Variants in NRG3 observed in about 807,000 individuals in gnomAD.
The protein encoded by NRG3 is pro-neuregulin-3, membrane-bound isoform.
A neutral mutation model predicts 66.9 loss-of-function variants in NRG3; 31 were observed. The ratio of observed to expected loss-of-function variants is 0.46; its 90% CI spans 0.35 to 0.63. The LOEUF (loss-of-function observed/expected upper bound fraction) is 0.63, where lower values mean the gene tolerates loss of function less well. NRG3 is among the 20% of genes least tolerant of loss of function. The pLI, the probability that NRG3 is intolerant of heterozygous loss-of-function variation, is 0.00. For missense variants in NRG3, 910 were observed against 878.9 expected, an observed-to-expected ratio of 1.04 and a Z score of -0.45; for synonymous variants, 393 against 359.4, an observed-to-expected ratio of 1.09 and a Z score of -1.06.
intron 3 of NRG3, among the ~76,000 whole-genome samples, chr10:82,812,465 A>C (rs2061529935): frequency 6.6e-6 from 1 of 152,252 alleles, no homozygotes; most frequent in Non-Finnish European, 1.5e-5. Flanking sequence ...TGTTAAGCCT[A>C]GTTATTTTTC....
At chr10:82,371,960 A>AC (rs913358253) in intron 2 of NRG3, among the ~76,000 whole-genome samples, 5 of 151,934 alleles carry the variant, frequency 3.3e-5, no homozygotes, top group Admixed American at 6.5e-5. Flanking sequence ...TCCTCCCAAC[A>AC]CCCCCACAAT....
At position 82,846,905 on chromosome 10, in the gene NRG3, A is replaced by G. The variant is rs571434420; in HGVS notation, c.1028-18506A>G. ...TGCTTGTGCTTTTATCAATTAAGAT[A>G]ATGTTCAGCTGCAAGAGCCAGAAAA... is the stretch of plus-strand genomic sequence containing the variant. On this transcript the variant is annotated intron_variant, in intron 3 of 8. Coordinates refer to ENST00000372141, the MANE Select transcript of NRG3 (RefSeq NM_001010848.4). 2.0e-5 allele frequency among the ~76,000 whole-genome samples: 3 copies of G among 152,294 alleles called. No individual in the cohort carries two copies. In the East Asian group the frequency reaches 5.8e-4, roughly 29 times the overall value.
chr10:82,837,823 G>A (rs1046020100), intron 3 of NRG3, among the ~76,000 whole-genome samples: 5 of 152,144 alleles, frequency 3.3e-5, no homozygotes, highest in East Asian at 1.9e-4. Context: ...AGGTGCAGGA[G>A]CTTTCAAAGG....
At chr10:82,959,770 C>T (rs1162889593) in intron 6 of NRG3, among the ~76,000 whole-genome samples, 1 of 152,184 alleles carries the variant, frequency 6.6e-6, no homozygotes, top group Non-Finnish European at 1.5e-5. Flanking sequence ...AATTCCAAGC[C>T]TTACAGAGAT....
rs187807090 is a variant in NRG3, at chr10:82,637,457, G to A, written c.954-101120G>A. Among the ~76,000 whole-genome samples, 47 of 152,244 alleles carry A rather than the reference G, an allele frequency of 3.1e-4. No homozygotes were observed. The East Asian group carries it at 8.1e-3, about 26-fold the overall frequency. ...CAACAGGAAACAGTGAATCTACATT[G>A]AAGAGGCCAGTCATACCCCATTTGA... On this transcript the variant is annotated intron_variant, in intron 2 of 8. Coordinates refer to ENST00000372141, the MANE Select transcript of NRG3 (RefSeq NM_001010848.4).
chr10:82,444,183 A>G (rs974554149), intron 2 of NRG3, among the ~76,000 whole-genome samples: 2 of 152,100 alleles, frequency 1.3e-5, no homozygotes, highest in African/African-American at 4.8e-5. Context: ...GCTCACTGTA[A>G]CCTCCGCCTT....
At chr10:82,589,575 G>C (rs2046865369) in intron 2 of NRG3, among the ~76,000 whole-genome samples, 1 of 152,076 alleles carries the variant, frequency 6.6e-6, no homozygotes, top group East Asian at 1.9e-4. Flanking sequence ...TATATAGCTT[G>C]TTAAGGGAAC....
In NRG3 at chr10:82,980,783, A is replaced by G. The variant is rs573245517; in HGVS notation, c.1583+1663A>G. 3.3e-5 allele frequency among the ~76,000 whole-genome samples: 5 copies of G among 152,308 alleles called. No individual in the cohort carries two copies. In the East Asian group the frequency reaches 9.7e-4, roughly 29 times the overall value. On this transcript the variant is annotated intron_variant, in intron 8 of 8. Transcript: ENST00000372141. ...CAGTTGCAAAGTAAACATAACAGCC[A>G]AGGGGTTCAAAATGTATAATGCGAG...
At chr10:82,775,901 T>A (rs1459409906) in intron 3 of NRG3, among the ~76,000 whole-genome samples, 1 of 152,154 alleles carries the variant, frequency 6.6e-6, no homozygotes, top group Non-Finnish European at 1.5e-5. Context: ...TCTTAATAGC[T>A]TATTGTAGCT....
chr10:82,923,921 AC>A (rs1846713861), intron 4 of NRG3, among the ~76,000 whole-genome samples: 1 of 151,384 alleles, frequency 6.6e-6, no homozygotes, highest in Non-Finnish European at 1.5e-5. Flanking sequence ...ACATGGTGAA[AC>A]CCCATCTCTA....
chr10:82,548,367 T>C (rs1007664715), intron 2 of NRG3, among the ~76,000 whole-genome samples: 1 of 152,032 alleles, frequency 6.6e-6, no homozygotes, highest in Non-Finnish European at 1.5e-5. Flanking sequence ...GTTATTTCTT[T>C]CCGGGTTGTC....
chr10:82,724,365 C>T (rs2057476188), intron 2 of NRG3, among the ~76,000 whole-genome samples: 1 of 152,100 alleles, frequency 6.6e-6, no homozygotes, highest in Non-Finnish European at 1.5e-5. Context: ...ATCCATTTAT[C>T]CTCAGCAGTA....
intron 1 of NRG3, among the ~76,000 whole-genome samples, chr10:81,908,017 A>T (rs931277931): frequency 6.6e-6 from 1 of 152,176 alleles, no homozygotes; most frequent in Non-Finnish European, 1.5e-5. Context: ...GGCCCTCTTT[A>T]ATTTGTTGAT....
At chr10:82,904,108 G>C (rs963944578) in intron 4 of NRG3, among the ~76,000 whole-genome samples, 1 of 152,126 alleles carries the variant, frequency 6.6e-6, no homozygotes, top group Non-Finnish European at 1.5e-5. Flanking sequence ...AGACAAGCTT[G>C]TCCAACCCAT....
intron 1 of NRG3, among the ~76,000 whole-genome samples, chr10:82,241,808 G>A (rs923214720): frequency 1.3e-5 from 2 of 152,058 alleles, no homozygotes; most frequent in South Asian, 2.1e-4. Flanking sequence ...GAAGTACATC[G>A]CGAAGTCTTT....
chr10:82,779,073 A>G (rs780710786), intron 3 of NRG3, among the ~76,000 whole-genome samples: 42 of 152,086 alleles, frequency 2.8e-4, no homozygotes, highest in Non-Finnish European at 5.1e-4. Context: ...TACTCTATCA[A>G]GGGCTCCGGT....
intron 1 of NRG3, among the ~76,000 whole-genome samples, chr10:81,893,997 G>C (rs1843271562): frequency 6.6e-6 from 1 of 152,206 alleles, no homozygotes; most frequent in Non-Finnish European, 1.5e-5. Flanking sequence ...CTATCAGTCA[G>C]CTAAGGCTGC....
intron 2 of NRG3, among the ~76,000 whole-genome samples, chr10:82,717,172 T>C (rs1312379474): frequency 6.6e-6 from 1 of 152,086 alleles, no homozygotes; most frequent in African/African-American, 2.4e-5. Flanking sequence ...TGCATTGAAA[T>C]TAAGTAAGCT....
intron 4 of NRG3, among the ~76,000 whole-genome samples, chr10:82,935,144 C>A (rs1164779291): frequency 1.3e-5 from 2 of 152,178 alleles, no homozygotes; most frequent in African/African-American, 4.8e-5. Context: ...AGAATGCTGA[C>A]TTGCACTTTT....
Sources: gnomAD v4.1 joint callset for allele counts (sites outside exome capture counted in the v4.1 genomes callset) on GRCh38, gnomAD v4.1.1 for gene constraint, MANE v1.5 for transcripts, NCBI Gene and HGNC (gene_info 2026-07-23, HGNC 2026-07-21) for gene names.